MGMT: variants seen among roughly 807,000 people sequenced by gnomAD.
MGMT encodes the protein O-6-methylguanine-DNA methyltransferase, also known as methylated-DNA--protein-cysteine methyltransferase.
MGMT carries 14 observed loss-of-function variants against 15.9 expected under a neutral mutation model. The ratio of observed to expected loss-of-function variants is 0.88; its 90% CI spans 0.58 to 1.37. MGMT has a LOEUF of 1.37. MGMT is among the 40% of genes most tolerant of loss of function. The pLI, the probability that MGMT is intolerant of heterozygous loss-of-function variation, is 0.00. For missense variants in MGMT, 282 were observed against 268.1 expected, an observed-to-expected ratio of 1.05 and a Z score of -0.36; for synonymous variants, 130 against 118.2, an observed-to-expected ratio of 1.10 and a Z score of -0.65.
chr10:129,762,755 AC>A (rs1848889690), intron 4 of MGMT, among the ~76,000 whole-genome samples: 1 of 151,754 alleles, frequency 6.6e-6, no homozygotes, highest in South Asian at 2.1e-4. Flanking sequence ...AGCGTTAATG[AC>A]CCCCCGAGGC....
At chr10:129,493,240 C>A (rs541161613) in intron 1 of MGMT, among the ~76,000 whole-genome samples, 6 of 152,268 alleles carry the variant, frequency 3.9e-5, no homozygotes, top group Non-Finnish European at 8.8e-5. Flanking sequence ...CAGCACCACT[C>A]AGATCTAGGA....
At chr10:129,591,452 G>A (rs778632233) in intron 2 of MGMT, among the ~76,000 whole-genome samples, 1 of 152,144 alleles carries the variant, frequency 6.6e-6, no homozygotes, top group Non-Finnish European at 1.5e-5. Context: ...TTCCAAGACC[G>A]CACAGGTGCT....
intron 1 of MGMT, among the ~76,000 whole-genome samples, chr10:129,535,643 G>A (rs958628986): frequency 3.9e-5 from 6 of 152,300 alleles, no homozygotes; most frequent in African/African-American, 1.4e-4. Context: ...ATGAGCCACT[G>A]CACCCAGACT....
At chr10:129,649,873 G>A (rs746047706) in intron 2 of MGMT, among the ~76,000 whole-genome samples, 9 of 152,130 alleles carry the variant, frequency 5.9e-5, no homozygotes, top group Non-Finnish European at 8.8e-5. Flanking sequence ...GAATTTTGCC[G>A]ACACTGTTGA....
chr10:129,753,967 A>G (rs1415107089), intron 3 of MGMT, among the ~76,000 whole-genome samples: 2 of 152,204 alleles, frequency 1.3e-5, no homozygotes, highest in Non-Finnish European at 2.9e-5. Flanking sequence ...TAGTTAGTTC[A>G]TAAGTTCTGA....
intron 2 of MGMT, among the ~76,000 whole-genome samples, chr10:129,599,916 A>G (rs1005257896): frequency 3.3e-5 from 5 of 152,238 alleles, no homozygotes; most frequent in Non-Finnish European, 4.4e-5. Flanking sequence ...TATCCCTGCA[A>G]CGTTTGCACA....
Position 129,687,872 on chromosome 10 carries a change from G to A in MGMT, c.126-20023G>A, listed in dbSNP as rs527496150. ...AGCCCCCCACCCCACAACAGGCCCT[G>A]GTGTGTGATGTTCCCCTTCCTGTGT... On this transcript the variant is annotated intron_variant, in intron 2 of 4. Coordinates refer to ENST00000651593, the MANE Select transcript of MGMT (RefSeq NM_002412.5). Among the ~76,000 whole-genome samples the A allele has an allele frequency of 5.9e-4, 89 of 150,642 alleles. 1 individual carries two copies. The highest frequency in any genetic ancestry group is 3.4e-3 in the Middle Eastern group (1 of 290).
chr10:129,607,498 A>G (rs1846905994), intron 2 of MGMT, among the ~76,000 whole-genome samples: 1 of 152,178 alleles, frequency 6.6e-6, no homozygotes, highest in African/African-American at 2.4e-5. Flanking sequence ...TTTTGTTTGC[A>G]GAGTAACTTG....
intron 2 of MGMT, among the ~76,000 whole-genome samples, chr10:129,665,282 C>G (rs2133108450): frequency 7.2e-6 from 1 of 138,988 alleles, no homozygotes; most frequent in Non-Finnish European, 1.6e-5. Flanking sequence ...CCTCTCCCCT[C>G]TCCCAACTCT....
chr10:129,532,716 C>T lies in MGMT; in HGVS notation c.-12-3525C>T, dbSNP rs1421551671. On this transcript the variant is annotated intron_variant, in intron 1 of 4. Coordinates refer to ENST00000651593, the MANE Select transcript of MGMT (RefSeq NM_002412.5). The surrounding 1 kb of genome is among the most constrained non-coding windows in gnomAD (Gnocchi z 5.3). The stretch of plus-strand genomic sequence containing the variant: ...GAATGGCGTGACAGCCCTTCCAGCC[C>T]GTCACGGTGTGTAGTGCCCAAAGCC... Among the ~76,000 whole-genome samples the T allele has an allele frequency of 2.0e-5, 3 of 152,264 alleles. No homozygotes were observed. Among genetic ancestry groups the T allele is most frequent in the East Asian group, 1.9e-4 (1 of 5,160 alleles).
At chr10:129,489,407 T>G (rs1845445460) in intron 1 of MGMT, among the ~76,000 whole-genome samples, 1 of 148,962 alleles carries the variant, frequency 6.7e-6, no homozygotes, top group South Asian at 2.1e-4. Flanking sequence ...AATCCTCATA[T>G]CTTGATTTTC....
At chr10:129,471,758 G>A (rs371381830) in intron 1 of MGMT, among the ~76,000 whole-genome samples, 56 of 152,246 alleles carry the variant, frequency 3.7e-4, no homozygotes, top group African/African-American at 1.3e-3. Flanking sequence ...TAATGCTTGA[G>A]CACCTCTAGG....
chr10:129,502,013 G>A (rs892062562), intron 1 of MGMT, among the ~76,000 whole-genome samples: 1 of 152,242 alleles, frequency 6.6e-6, no homozygotes, highest in African/African-American at 2.4e-5. Flanking sequence ...GCTGTGGGAT[G>A]GGATGGGCGC....
intron 1 of MGMT, among the ~76,000 whole-genome samples, chr10:129,513,884 G>GA (rs1197011507): frequency 6.6e-6 from 1 of 152,200 alleles, no homozygotes; most frequent in Non-Finnish European, 1.5e-5. Context: ...TAGAAGTGGA[G>GA]AAAATGGCAG....
intron 2 of MGMT, among the ~76,000 whole-genome samples, chr10:129,664,711 C>G (rs1564753068): frequency 1.3e-5 from 2 of 152,034 alleles, no homozygotes; most frequent in African/African-American, 2.4e-5. Flanking sequence ...GAATGATAAG[C>G]AGGATGAGAA....
chr10:129,515,599 G>A (rs544561673), intron 1 of MGMT, among the ~76,000 whole-genome samples: 1 of 152,326 alleles, frequency 6.6e-6, no homozygotes, highest in Admixed American at 6.5e-5. Flanking sequence ...CTGGCTGAGC[G>A]CGGGGCAGTT....
chr10:129,593,820 G>A (rs1589884266), intron 2 of MGMT, among the ~76,000 whole-genome samples: 2 of 152,330 alleles, frequency 1.3e-5, no homozygotes, highest in South Asian at 4.1e-4. Context: ...TGGAGGCCAG[G>A]CAGTGAGGCG....
intron 2 of MGMT, among the ~76,000 whole-genome samples, chr10:129,632,839 C>A (rs569682081): frequency 1.0e-3 from 157 of 152,188 alleles, no homozygotes; most frequent in Non-Finnish European, 1.7e-3. Flanking sequence ...GATTCCATGT[C>A]TCATGCAGAG....
chr10:129,525,922 G>A (rs1469694209), intron 1 of MGMT, among the ~76,000 whole-genome samples: 1 of 152,214 alleles, frequency 6.6e-6, no homozygotes, highest in Non-Finnish European at 1.5e-5. Context: ...TGGCGTTTGG[G>A]AACGCCGTTT....
Sources: allele counts gnomAD v4.1 joint callset (sites outside exome capture counted in the v4.1 genomes callset), GRCh38; gene constraint gnomAD v4.1.1; non-coding constraint Gnocchi (gnomAD v3.1); transcripts MANE v1.5; gene names NCBI Gene and HGNC (gene_info 2026-07-23, HGNC 2026-07-21).